Variants in SGIP1 observed in about 807,000 individuals in gnomAD.
The protein encoded by SGIP1 is SH3GL interacting endocytic adaptor 1, also known as SH3-containing GRB2-like protein 3-interacting protein 1.
A neutral mutation model predicts 107.5 loss-of-function variants in SGIP1; 38 were observed. The observed-to-expected ratio is 0.35, with a 90% CI of 0.27 to 0.46. The LOEUF is 0.46. Ranked by LOEUF, SGIP1 falls within the 20% of genes least tolerant of loss-of-function variation. The pLI is 1.00. For synonymous variants in SGIP1, 365 were observed against 366.1 expected, an observed-to-expected ratio of 1.00 and a Z score of 0.03; for missense variants, 929 against 1,019.5, an observed-to-expected ratio of 0.91 and a Z score of 1.21.
intron 4 of SGIP1, among the ~76,000 whole-genome samples, chr1:66,636,225 AAG>A (rs1466558336): frequency 6.6e-6 from 1 of 152,246 alleles, no homozygotes; most frequent in Non-Finnish European, 1.5e-5. Flanking sequence ...TATACTTTTA[AAG>A]AGTGATCACA....
chr1:66,718,838 A>T (rs937748688), intron 18 of SGIP1, among the ~76,000 whole-genome samples: 1 of 152,200 alleles, frequency 6.6e-6, no homozygotes, highest in Non-Finnish European at 1.5e-5. Context: ...ATCCAGAAAA[A>T]AAAAGTGGGT....
intron 1 of SGIP1, among the ~76,000 whole-genome samples, chr1:66,551,167 G>A (rs1338703165): frequency 2.0e-5 from 3 of 152,078 alleles, no homozygotes; most frequent in African/African-American, 7.2e-5. Flanking sequence ...CTTTGTTCTG[G>A]TTATTTTAAA....
chr1:66,544,428 G>C (rs2055828422), intron 1 of SGIP1, among the ~76,000 whole-genome samples: 2 of 152,186 alleles, frequency 1.3e-5, no homozygotes, highest in Non-Finnish European at 2.9e-5. Context: ...GCTCATACCT[G>C]TAATTCCAGC....
intron 19 of SGIP1, 73 bp downstream of exon 19, chr1:66,719,478 C>T (rs187290199): frequency 1.5e-5 from 18 of 1,174,940 alleles, no homozygotes; most frequent in Non-Finnish European, 2.1e-5. Flanking sequence ...TAAATACAAC[C>T]TTTTCATTTT....
intron 1 of SGIP1, among the ~76,000 whole-genome samples, chr1:66,570,334 C>T (rs548388529): frequency 1.3e-5 from 2 of 151,880 alleles, no homozygotes; most frequent in East Asian, 1.9e-4. Flanking sequence ...AAGTTGATTC[C>T]TCCATTGCTA....
At chr1:66,636,078 C>T in intron 4 of SGIP1, 63 bp downstream of exon 4, 1 of 1,485,370 alleles carries the variant, frequency 6.7e-7, no homozygotes, top group Non-Finnish European at 9.3e-7. Context: ...AGTAAAATCC[C>T]AATTTAAAAT....
At chr1:66,662,872 TG>T (rs2081804495) in intron 8 of SGIP1, among the ~76,000 whole-genome samples, 1 of 152,194 alleles carries the variant, frequency 6.6e-6, no homozygotes, top group African/African-American at 2.4e-5. Flanking sequence ...GCAAAGTCTC[TG>T]AGTAATCAGA....
At chr1:66,601,457 G>A (rs1442921791) in intron 1 of SGIP1, among the ~76,000 whole-genome samples, 1 of 152,028 alleles carries the variant, frequency 6.6e-6, no homozygotes, top group Non-Finnish European at 1.5e-5. Flanking sequence ...AACTTACACA[G>A]TTTTCTCTGT....
chr1:66,576,807 A>G (rs1557944702), intron 1 of SGIP1, among the ~76,000 whole-genome samples: 1 of 152,126 alleles, frequency 6.6e-6, no homozygotes, highest in African/African-American at 2.4e-5. Context: ...CAGATTAGCC[A>G]TGTGTCATCT....
intron 1 of SGIP1, among the ~76,000 whole-genome samples, chr1:66,598,352 G>A (rs539872739): frequency 6.6e-6 from 1 of 152,282 alleles, no homozygotes; most frequent in South Asian, 2.1e-4. Context: ...TTTCCCAACT[G>A]TGTGCCTAAT....
chr1:66,682,975 C>A (rs1469374492), intron 15 of SGIP1, among the ~76,000 whole-genome samples: 1 of 152,108 alleles, frequency 6.6e-6, no homozygotes, highest in African/African-American at 2.4e-5. Flanking sequence ...GTAATCCAAT[C>A]AAGCTGTCAC....
chr1:66,662,393 C>G (rs1293675309), intron 8 of SGIP1, among the ~76,000 whole-genome samples: 1 of 152,078 alleles, frequency 6.6e-6, no homozygotes, highest in Non-Finnish European at 1.5e-5. Flanking sequence ...ATGAATGTGA[C>G]AAGGGGGATA....
chr1:66,614,954 G>A (rs1244204525), intron 1 of SGIP1, among the ~76,000 whole-genome samples: 1 of 151,496 alleles, frequency 6.6e-6, no homozygotes, highest in Non-Finnish European at 1.5e-5. Context: ...CAAGTAGCTG[G>A]GATTACAGGC....
chr1:66,603,536 A>G (rs1265923968), intron 1 of SGIP1, among the ~76,000 whole-genome samples: 1 of 152,192 alleles, frequency 6.6e-6, no homozygotes, highest in East Asian at 1.9e-4. Context: ...CTGATACAGC[A>G]TCAGAAATAT....
chr1:66,548,434 G>A (rs954961499), intron 1 of SGIP1, among the ~76,000 whole-genome samples: 1 of 151,966 alleles, frequency 6.6e-6, no homozygotes, highest in African/African-American at 2.4e-5. Flanking sequence ...TTTAGCTATT[G>A]AATAAACCCT....
chr1:66,630,053 GCA>G (rs2073910040), intron 2 of SGIP1, among the ~76,000 whole-genome samples: 2 of 152,106 alleles, frequency 1.3e-5, no homozygotes, highest in South Asian at 4.2e-4. Flanking sequence ...ATGCAGTCTG[GCA>G]CTGGAGCCGG....
At chr1:66,573,674 C>T (rs771828108) in intron 1 of SGIP1, among the ~76,000 whole-genome samples, 11 of 152,022 alleles carry the variant, frequency 7.2e-5, no homozygotes, top group Non-Finnish European at 1.0e-4. Flanking sequence ...AACCAAATAC[C>T]GTATGCTCTC....
chr1:66,597,392 T>C (rs1280808968), intron 1 of SGIP1, among the ~76,000 whole-genome samples: 1 of 152,272 alleles, frequency 6.6e-6, no homozygotes, highest in Non-Finnish European at 1.5e-5. Flanking sequence ...AGAATGTTTA[T>C]GCTATTTGTT....
chr1:66,638,669 T>C (rs1479248110), intron 4 of SGIP1, among the ~76,000 whole-genome samples: 1 of 152,196 alleles, frequency 6.6e-6, no homozygotes, highest in Non-Finnish European at 1.5e-5. Context: ...GCCCAGTCAA[T>C]ATTCACTGTT....
Sources: allele counts gnomAD v4.1 joint callset (sites outside exome capture counted in the v4.1 genomes callset), GRCh38; gene constraint gnomAD v4.1.1; transcripts MANE v1.5; gene names NCBI Gene and HGNC (gene_info 2026-07-23, HGNC 2026-07-21).